Variants in CDH12 observed in about 807,000 individuals in gnomAD.
CDH12 encodes the protein cadherin 12.
CDH12 carries 41 observed loss-of-function variants against 74.1 expected under a neutral mutation model. The observed-to-expected ratio is 0.55, with a 90% CI of 0.43 to 0.72. CDH12 has a LOEUF of 0.72. CDH12 is among the 30% of genes least tolerant of loss of function. The probability of loss-of-function intolerance (pLI) is 0.00; values close to 1 mark genes in which losing one functional copy is unlikely to be tolerated. For synonymous variants in CDH12, 399 were observed against 355.0 expected (o/e 1.12, Z -1.39); for missense variants, 945 against 977.2 (o/e 0.97, Z 0.44).
chr5:22,739,697 T>C (rs1744923305), intron 1 of CDH12, among the ~76,000 whole-genome samples: 1 of 152,062 alleles, frequency 6.6e-6, no homozygotes, highest in South Asian at 2.1e-4. Context: ...CTTTGTACCA[T>C]TTAACCATCA....
intron 4 of CDH12, among the ~76,000 whole-genome samples, chr5:22,198,421 C>G (rs1750741902): frequency 6.6e-6 from 1 of 152,094 alleles, no homozygotes; most frequent in Admixed American, 6.5e-5. Flanking sequence ...ATGTTAGAAA[C>G]AGGCATTTCT....
intron 6 of CDH12, among the ~76,000 whole-genome samples, chr5:21,879,550 T>C (rs1752131830): frequency 6.6e-6 from 1 of 152,216 alleles, no homozygotes; most frequent in Non-Finnish European, 1.5e-5. Context: ...CGGCTCTTAA[T>C]CAATTAAGTT....
intron 2 of CDH12, among the ~76,000 whole-genome samples, chr5:22,432,519 A>G (rs1249600052): frequency 1.3e-5 from 2 of 152,008 alleles, no homozygotes; most frequent in African/African-American, 4.8e-5. Context: ...ATTTGAGACT[A>G]TGTATACACA....
At chr5:21,931,395 G>A (rs1482755306) in intron 6 of CDH12, among the ~76,000 whole-genome samples, 1 of 152,094 alleles carries the variant, frequency 6.6e-6, no homozygotes, top group Non-Finnish European at 1.5e-5. Context: ...GAAGTAATTT[G>A]AGAATAAACT....
At chr5:22,093,982 T>A (rs1417040625) in intron 4 of CDH12, among the ~76,000 whole-genome samples, 1 of 152,184 alleles carries the variant, frequency 6.6e-6, no homozygotes, top group Admixed American at 6.5e-5. Context: ...TTTGAGAGTA[T>A]TTCCACTGAT....
rs375365802 is a variant in CDH12 at position 21,829,084 on chromosome 5, C to T, written c.815-11952G>A. ...GCCGAGGCAGGCAGTCAGCTGAGGT[C>T]AGGAGTCTGAGGCCAGCCTGGCCAA... On this transcript the variant is annotated intron_variant, in intron 8 of 14. Coordinates refer to ENST00000382254, the MANE Select transcript of CDH12 (RefSeq NM_004061.5). 4.8e-4 allele frequency among the ~76,000 whole-genome samples: 73 copies of T among 152,204 alleles called. 2 individuals carry two copies. The South Asian group carries it at 0.013, about 28-fold the overall frequency.
rs969793883 is a variant in CDH12 at position 22,763,379 on chromosome 5, T to C, written c.-523+89679A>G. ...AGAAAGCACTGTTTACCCCCTTTCA[T>C]GTGTGAAGTAATGTGAAAGAAAATG... is the stretch of plus-strand genomic sequence containing the variant. On this transcript the variant is annotated intron_variant, in intron 1 of 14. Coordinates refer to ENST00000382254, the MANE Select transcript of CDH12 (RefSeq NM_004061.5). 2.6e-5 allele frequency among the ~76,000 whole-genome samples: 4 copies of C among 152,056 alleles called. No individual in the cohort carries two copies. The South Asian group carries it at 6.2e-4, about 24-fold the overall frequency.
chr5:22,782,350 G>C (rs1417060929), intron 1 of CDH12, among the ~76,000 whole-genome samples: 3 of 152,154 alleles, frequency 2.0e-5, no homozygotes, highest in African/African-American at 4.8e-5. Flanking sequence ...GATCATGGGG[G>C]TGGTTTCCCC....
intron 1 of CDH12, among the ~76,000 whole-genome samples, chr5:22,650,226 G>A (rs1739661072): frequency 6.6e-6 from 1 of 151,964 alleles, no homozygotes; most frequent in South Asian, 2.1e-4. Flanking sequence ...GGACAGAGAG[G>A]CAAAATCTTT....
intron 2 of CDH12, among the ~76,000 whole-genome samples, chr5:22,441,168 G>C (rs1744608027): frequency 6.6e-6 from 1 of 152,056 alleles, no homozygotes; most frequent in Non-Finnish European, 1.5e-5. Context: ...GTAAATACTT[G>C]TAAATATCTA....
chr5:22,166,832 C>A (rs1485271346), intron 4 of CDH12, among the ~76,000 whole-genome samples: 5 of 151,612 alleles, frequency 3.3e-5, no homozygotes, highest in Admixed American at 3.3e-4. Flanking sequence ...CACTCCCTAG[C>A]GAGAAAGAAT....
At chr5:21,981,694 T>C (rs1757313664) in intron 5 of CDH12, among the ~76,000 whole-genome samples, 1 of 152,188 alleles carries the variant, frequency 6.6e-6, no homozygotes. Context: ...TAGGTATTTT[T>C]TGTTTTTTAA....
intron 3 of CDH12, among the ~76,000 whole-genome samples, chr5:22,290,383 G>A (rs1180063627): frequency 6.6e-6 from 1 of 152,084 alleles, no homozygotes; most frequent in African/African-American, 2.4e-5. Context: ...ATACAGGAGA[G>A]CCATTCAATG....
intron 1 of CDH12, among the ~76,000 whole-genome samples, chr5:22,790,226 T>C (rs1256930191): frequency 1.3e-5 from 2 of 152,130 alleles, no homozygotes; most frequent in Non-Finnish European, 1.5e-5. Flanking sequence ...GAATAGATTT[T>C]CATTTAAAAA....
intron 1 of CDH12, among the ~76,000 whole-genome samples, chr5:22,623,962 C>G (rs1738129281): frequency 6.6e-6 from 1 of 152,130 alleles, no homozygotes; most frequent in Admixed American, 6.6e-5. Context: ...GGTACCAAAA[C>G]AGAGATGTAG....
At chr5:21,787,094 C>T (rs1746237280) in intron 10 of CDH12, among the ~76,000 whole-genome samples, 1 of 152,012 alleles carries the variant, frequency 6.6e-6, no homozygotes, top group Admixed American at 6.6e-5. Context: ...GAAATCATAA[C>T]AAAATAATTA....
At chr5:22,186,783 T>C (rs1657246734) in intron 4 of CDH12, among the ~76,000 whole-genome samples, 1 of 152,150 alleles carries the variant, frequency 6.6e-6, no homozygotes, top group Admixed American at 6.5e-5. Flanking sequence ...CATTTTTATA[T>C]ACCTGCAAAA....
chr5:22,436,016 C>T (rs1461047501), intron 2 of CDH12, among the ~76,000 whole-genome samples: 5 of 151,644 alleles, frequency 3.3e-5, no homozygotes, highest in Non-Finnish European at 7.4e-5. Context: ...TTGGAATCAA[C>T]CCATATGTCC....
rs138291218 is a variant in CDH12 at position 21,782,329 on chromosome 5, C to G, written c.1393+1029G>C. ...ACTTACTTTTAATAATCAAAATAAA[C>G]TAAAAGTAATGGGATCAGCTAAAGA... On this transcript the variant is annotated intron_variant, in intron 11 of 14. Transcript: ENST00000382254. Among the ~76,000 whole-genome samples, 674 of 152,240 alleles carry G rather than the reference C, an allele frequency of 4.4e-3. 8 individuals are homozygous for G. The highest frequency in any genetic ancestry group is 5.7e-3 in the Non-Finnish European group (386 of 68,014).
Sources: gnomAD v4.1 joint callset for allele counts (sites outside exome capture counted in the v4.1 genomes callset) on GRCh38, gnomAD v4.1.1 for gene constraint, MANE v1.5 for transcripts, NCBI Gene and HGNC (gene_info 2026-07-23, HGNC 2026-07-21) for gene names.